Variants in GSDMC observed in about 807,000 individuals in gnomAD.
The protein encoded by GSDMC is gasdermin-C.
GSDMC carries 59 observed loss-of-function variants against 58.0 expected under a neutral mutation model. That is an observed-to-expected ratio of 1.02 (90% CI 0.82 to 1.26). The LOEUF is 1.26. Among genes scored for constraint, GSDMC ranks in the 50% most tolerant of loss-of-function variants. The pLI, the probability that GSDMC is intolerant of heterozygous loss-of-function variation, is 0.00. For missense variants in GSDMC, 659 were observed against 598.5 expected, an observed-to-expected ratio of 1.10 and a Z score of -1.06; for synonymous variants, 241 against 220.2, an observed-to-expected ratio of 1.09 and a Z score of -0.83.
intron 3 of GSDMC, among the ~76,000 whole-genome samples, chr8:129,774,026 G>A (rs2170569): frequency 0.2 from 30,477 of 151,850 alleles, 3,162 homozygotes; most frequent in African/African-American, 0.22. Flanking sequence ...TTATCAAAAT[G>A]CCAATGACAA....
intron 1 of GSDMC, among the ~76,000 whole-genome samples, chr8:129,779,272 T>C (rs975322216): frequency 6.6e-6 from 1 of 152,154 alleles, no homozygotes; most frequent in Non-Finnish European, 1.5e-5. Context: ...TGGAATACTA[T>C]GTAGCCAAAA....
At chr8:129,729,365 G>A in the GSDMC span, 2 of 429,224 alleles carry the variant, frequency 4.7e-6, no homozygotes. Flanking sequence ...CAAGGTGCAG[G>A]CTTATTACAT....
At chr8:129,735,345 GA>G in the GSDMC span, among the ~76,000 whole-genome samples, 9 of 152,152 alleles carry the variant, frequency 5.9e-5, no homozygotes, top group Non-Finnish European at 7.4e-5. Flanking sequence ...CAAATCAACA[GA>G]ATAGACATTC....
rs1350828569 is a variant in GSDMC at position 129,786,313 on chromosome 8, C to T, written c.-307G>A. ...TGCCGCTGCACTCCAGCCTGGGCAA[C>T]TCCGTCTCAAAAAAAAAAAAAAGAG... On this transcript the variant is annotated 5_prime_UTR_variant, in exon 1 of 14. Coordinates refer to ENST00000276708, the MANE Select transcript of GSDMC (RefSeq NM_031415.3). 1 of 150,874 alleles carries T rather than the reference C, an allele frequency of 6.6e-6. No homozygotes were observed. The highest frequency in any genetic ancestry group is 2.5e-5 in the African/African-American group (1 of 40,688). 9.3% of individuals were successfully genotyped at this position (150,874 alleles called of 1,614,324 possible). A position where few individuals can be genotyped will look rare whatever the true frequency, so the allele number is the denominator to read the frequency against.
At chr8:129,733,408 GT>G in the GSDMC span, among the ~76,000 whole-genome samples, 1 of 152,224 alleles carries the variant, frequency 6.6e-6, no homozygotes, top group Non-Finnish European at 1.5e-5. Flanking sequence ...ACACTTCCCA[GT>G]AGGGGCCAAC....
At chr8:129,709,511 T>C in the GSDMC span, among the ~76,000 whole-genome samples, 1 of 146,780 alleles carries the variant, frequency 6.8e-6, no homozygotes, top group Non-Finnish European at 1.5e-5. Flanking sequence ...GATAGACAGA[T>C]GATAGATGAT....
At chr8:129,773,644 G>T (rs2034130287) in intron 3 of GSDMC, among the ~76,000 whole-genome samples, 1 of 151,924 alleles carries the variant, frequency 6.6e-6, no homozygotes, top group Non-Finnish European at 1.5e-5. Flanking sequence ...ACATTAGCTG[G>T]GCATTGTGGT....
chr8:129,777,546 T>C lies in GSDMC; in HGVS notation c.42A>G (p.Lys14=). ...MLERISKNLV[K]EIGSKDLTPV... The stretch of plus-strand genomic sequence containing the variant: ...GTGTCAGGTCTTTGCTTCCAATCTC[T>C]TTGACCAAATTTTTGCTAATGCGTT... The change falls in exon 2 of 14, where the codon AAA becomes AAG. Residue 14 remains lysine (K), a synonymous_variant. Coordinates refer to ENST00000276708, the MANE Select transcript of GSDMC (RefSeq NM_031415.3). The C allele has an allele frequency of 6.2e-7, 1 of 1,612,916 alleles. No homozygotes were observed.
At chr8:129,726,874 C>G in the GSDMC span, among the ~76,000 whole-genome samples, 1 of 151,152 alleles carries the variant, frequency 6.6e-6, no homozygotes, top group Non-Finnish European at 1.5e-5. Context: ...AAACTGGTAG[C>G]CTGCAAGCCC....
At chr8:129,735,776 AG>A in the GSDMC span, among the ~76,000 whole-genome samples, 1 of 152,228 alleles carries the variant, frequency 6.6e-6, no homozygotes, top group African/African-American at 2.4e-5. Context: ...CAAATTCAAA[AG>A]CTAGCAGAAG....
chr8:129,744,437 G>A (rs752386563), downstream of GSDMC, among the ~76,000 whole-genome samples: 4 of 152,192 alleles, frequency 2.6e-5, no homozygotes, highest in Non-Finnish European at 4.4e-5. Context: ...AAAATAGACA[G>A]CAAATGAAAT....
chr8:129,739,163 G>C, the GSDMC span, among the ~76,000 whole-genome samples: 1 of 152,314 alleles, frequency 6.6e-6, no homozygotes, highest in East Asian at 1.9e-4. Context: ...TTCAAGGCAG[G>C]TCATTCCAGG....
intron 3 of GSDMC, among the ~76,000 whole-genome samples, chr8:129,768,472 C>G (rs2033941018): frequency 6.6e-6 from 1 of 151,984 alleles, no homozygotes; most frequent in Non-Finnish European, 1.5e-5. Context: ...GACAACTAAA[C>G]AAAATTAAGA....
chr8:129,772,421 A>T (rs1031745758), intron 3 of GSDMC, among the ~76,000 whole-genome samples: 3 of 152,112 alleles, frequency 2.0e-5, no homozygotes, highest in Non-Finnish European at 4.4e-5. Context: ...CCAACAAATA[A>T]AATTATAGTT....
At chr8:129,743,563 G>T (rs1425857747), downstream of GSDMC, among the ~76,000 whole-genome samples, 2 of 152,072 alleles carry the variant, frequency 1.3e-5, no homozygotes, top group Non-Finnish European at 1.5e-5. Context: ...TCTGTATTCT[G>T]TTTATTAACT....
the GSDMC span, among the ~76,000 whole-genome samples, chr8:129,727,987 G>A: frequency 6.6e-6 from 1 of 152,158 alleles, no homozygotes; most frequent in African/African-American, 2.4e-5. Context: ...AGATCATGGT[G>A]TAGCAGGGCC....
chr8:129,771,435 T>C (rs2034046606), intron 3 of GSDMC, among the ~76,000 whole-genome samples: 1 of 152,192 alleles, frequency 6.6e-6, no homozygotes, highest in Non-Finnish European at 1.5e-5. Context: ...AAACAAGTCT[T>C]AACAAATTTA....
At chr8:129,750,653 G>A (rs72718322) in intron 10 of GSDMC, 83 bp from the exon 11 acceptor site, 21 of 1,384,410 alleles carry the variant, frequency 1.5e-5, no homozygotes, top group Middle Eastern at 1.8e-4. Flanking sequence ...CTGTTTGCAC[G>A]AATATGAACC....
At chr8:129,751,325 C>T (rs1250437040) in intron 10 of GSDMC, among the ~76,000 whole-genome samples, 1 of 152,142 alleles carries the variant, frequency 6.6e-6, no homozygotes, top group Non-Finnish European at 1.5e-5. Flanking sequence ...TCCAAAGAGG[C>T]AAGAATTTGT....
Sources: allele counts gnomAD v4.1 joint callset (sites outside exome capture counted in the v4.1 genomes callset), GRCh38; gene constraint gnomAD v4.1.1; transcripts MANE v1.5; gene names NCBI Gene and HGNC (gene_info 2026-07-23, HGNC 2026-07-21).